The following PCDHGB6 variants were observed in gnomAD, a reference collection of about 807,000 sequenced individuals.
The protein encoded by PCDHGB6 is protocadherin gamma-B6.
A neutral mutation model predicts 59.1 loss-of-function variants in PCDHGB6; 51 were observed. The ratio of observed to expected loss-of-function variants is 0.86; its 90% CI spans 0.69 to 1.09. The LOEUF is 1.09. Among genes scored for constraint, PCDHGB6 ranks in the 50% least tolerant of loss-of-function variants. PCDHGB6 has a pLI of 0.00. For synonymous variants in PCDHGB6, 466 were observed against 495.1 expected (o/e 0.94, Z 0.78); for missense variants, 1,148 against 1,205.1 (o/e 0.95, Z 0.70).
At chr5:141,429,468 A>G (rs2097217267) in intron 1 of PCDHGB6, among the ~76,000 whole-genome samples, 1 of 152,048 alleles carries the variant, frequency 6.6e-6, no homozygotes, top group Admixed American at 6.6e-5. Flanking sequence ...TCCCACCTCA[A>G]TCTCCAGAGT....
At position 141,445,006 on chromosome 5, in the gene PCDHGB6, G is replaced by A. The variant is rs550056654; in HGVS notation, c.2418+34386G>A. Among the ~76,000 whole-genome samples, 51 of 152,044 alleles carry A rather than the reference G, an allele frequency of 3.4e-4. 2 individuals are homozygous for A. The South Asian group carries it at 9.6e-3, about 28-fold the overall frequency. ...CATGGTATATATTTCCATTTAATTA[G>A]GTCTTTAATTTCTCTCAGCTATGTT... On this transcript the variant is annotated intron_variant, in intron 1 of 3. Transcript: ENST00000520790.
At chr5:141,434,193 T>C (rs2097677103) in intron 1 of PCDHGB6, among the ~76,000 whole-genome samples, 1 of 152,246 alleles carries the variant, frequency 6.6e-6, no homozygotes, top group Non-Finnish European at 1.5e-5. Flanking sequence ...GTAATTCCAA[T>C]GTACTTACTT....
At chr5:141,424,036 C>T (rs2096796408) in intron 1 of PCDHGB6, 1 of 1,029,488 alleles carries the variant, frequency 9.7e-7, no homozygotes, top group Non-Finnish European at 1.2e-6. Flanking sequence ...CTTTTTATTT[C>T]CATTTCAATT....
At chr5:141,423,920 G>A (rs2096790804) in intron 1 of PCDHGB6, 2 of 1,258,728 alleles carry the variant, frequency 1.6e-6, no homozygotes, top group African/African-American at 1.6e-5. Flanking sequence ...ATTCAACTAT[G>A]CTGGTTTGGT....
intron 1 of PCDHGB6, among the ~76,000 whole-genome samples, chr5:141,483,945 ATTGTG>A (rs2099589210): frequency 8.3e-6 from 1 of 120,394 alleles, no homozygotes; most frequent in Non-Finnish European, 1.6e-5. Context: ...TACGGTGTGA[ATTGTG>A]TTGTGTTTCT....
rs1368887332 is a variant in PCDHGB6 at position 141,408,806 on chromosome 5, C to A, written c.604C>A (p.Arg202=). ...GTTATCTCTGGAGAAACTCCTAGAC[C>A]GGGAAGAACAGAGATCTCATAGCTT... ...PELSLEKLLD[R]EEQRSHSLIL... Residue 202 remains arginine, a synonymous_variant, in exon 1 of 4, where the codon CGG becomes AGG. Transcript: ENST00000520790. 1.2e-6 allele frequency: 2 copies of A among 1,612,894 alleles called. No individual in the cohort carries two copies. The highest frequency in any genetic ancestry group is 1.3e-5 in the African/African-American group (1 of 74,832).
chr5:141,478,381 C>A (rs931860600), intron 1 of PCDHGB6: 1 of 1,613,664 alleles, frequency 6.2e-7, no homozygotes, highest in Admixed American at 1.7e-5. Flanking sequence ...TGTCGCCGCA[C>A]CTTTACCATC....
At chr5:141,503,802 G>A (rs2099831646) in intron 2 of PCDHGB6, among the ~76,000 whole-genome samples, 1 of 151,998 alleles carries the variant, frequency 6.6e-6, no homozygotes, top group South Asian at 2.1e-4. Context: ...CTTAGGGACG[G>A]GGAATCCCAG....
Position 141,408,770 on chromosome 5 carries a change from A to G in PCDHGB6, c.568A>G (p.Lys190Glu). Residue 190 changes from lysine (K) to glutamate (E), a missense_variant, in exon 1 of 4, where the codon AAA (lysine) becomes GAA (glutamate). This residue lies in a region of PCDHGB6 where 307 missense variants were observed against 323.8 expected (regional missense o/e 0.95). Transcript: ENST00000520790. ...GGTTAGAGTTAATTCCGATGGTGGC[A>G]AATACCCAGAGTTATCTCTGGAGAA... ...LMVRVNSDGG[K>E]YPELSLEKLL... 6.2e-7 allele frequency: 1 copy of G among 1,611,540 alleles called. No homozygotes were observed.
At position 141,487,635 on chromosome 5, in the gene PCDHGB6, A is replaced by C. The variant is rs1594699829; in HGVS notation, c.2419-7172A>C. 1.2e-6 allele frequency: 2 copies of C among 1,614,204 alleles called. No individual in the cohort carries two copies. Among genetic ancestry groups the C allele is most frequent in the Non-Finnish European group, 1.7e-6 (2 of 1,180,034 alleles). On this transcript the variant is annotated intron_variant, in intron 1 of 3. Transcript: ENST00000520790. The surrounding 1 kb of genome is among the most constrained non-coding windows in gnomAD (Gnocchi z 5.0). Reference sequence around the variant, plus strand: ...CTAGAGGTGAGACCTTTGCAGGCTCAACAAATGCTTGAGGGTTATTCTGAT... The same window carrying C: ...CTAGAGGTGAGACCTTTGCAGGCTCCACAAATGCTTGAGGGTTATTCTGAT...
intron 1 of PCDHGB6, among the ~76,000 whole-genome samples, chr5:141,438,587 CATACATATAT>C (rs1422309749): frequency 6.8e-5 from 5 of 73,430 alleles, no homozygotes; most frequent in South Asian, 5.1e-4. Context: ...TACATACATA[CATACATATAT>C]ATATATATAT....
In PCDHGB6 at chr5:141,510,950, C is replaced by T. The variant is rs770587030; in HGVS notation, c.2570C>T (p.Ala857Val). 1.2e-6 allele frequency: 2 copies of T among 1,614,126 alleles called. No homozygotes were observed. The highest frequency in any genetic ancestry group is 2.2e-5 in the South Asian group (2 of 91,078). ...QAMILASASE[A>V]ADGSSTLGGG... Reference sequence around the variant, plus strand: ...TGATCTTCCTCTGTCTCTGCAGAAGCTGCTGATGGGAGCTCCACCCTGGGA... The same window carrying T: ...TGATCTTCCTCTGTCTCTGCAGAAGTTGCTGATGGGAGCTCCACCCTGGGA... The change falls in exon 4 of 4, where the codon GCT (alanine) becomes GTT (valine). Residue 857 changes from alanine (A) to valine (V), a missense_variant. Physicochemically the swap from Ala to Val is moderately conservative, Grantham distance 64. This residue lies in a region of PCDHGB6 where 283 missense variants were observed against 318.6 expected (regional missense o/e 0.89). Transcript: ENST00000520790.
chr5:141,489,096 ACT>A lies in PCDHGB6; in HGVS notation c.2419-5710_2419-5709del. The A allele has an allele frequency of 2.0e-6, 1 of 494,278 alleles. No individual in the cohort carries two copies. The allele number at this position is 494,278 out of a possible 1,614,324, so 30.6% of individuals were successfully genotyped here. A position where few individuals can be genotyped will look rare whatever the true frequency, so the allele number is the denominator to read the frequency against. ...CACCCCCGCCACTCGGTGACTAAGA[ACT>A]GCTGCAAGCAGGCAAACCTCCGAGC... On this transcript the variant is annotated intron_variant, in intron 1 of 3. Coordinates refer to ENST00000520790, the MANE Select transcript of PCDHGB6 (RefSeq NM_018926.3). The surrounding 1 kb of genome is among the most constrained non-coding windows in gnomAD (Gnocchi z 4.5).
chr5:141,427,840 A>G (rs779622800), intron 1 of PCDHGB6: 1 of 1,548,180 alleles, frequency 6.5e-7, no homozygotes, highest in Non-Finnish European at 8.8e-7. Flanking sequence ...CGTGCCTTCG[A>G]CCACGAGCAG....
chr5:141,478,497 CGGTGTTCTATAGGCA>C, intron 1 of PCDHGB6: 1 of 1,612,820 alleles, frequency 6.2e-7, no homozygotes, highest in South Asian at 1.1e-5. Flanking sequence ...AGCTGTGATC[CGGTGTTCTATAGGCA>C]GGTGTTGGGT....
intron 1 of PCDHGB6, 155 bp downstream of exon 1, chr5:141,410,775 T>A: frequency 1.0e-6 from 1 of 998,978 alleles, no homozygotes. Flanking sequence ...TAGTTTTCAC[T>A]ATGTATTTGG....
intron 1 of PCDHGB6, chr5:141,415,094 A>T: frequency 1.9e-6 from 3 of 1,613,530 alleles, no homozygotes; most frequent in Non-Finnish European, 2.5e-6. Flanking sequence ...CTGGACAGAG[A>T]CGCGCTCAAG....
At chr5:141,414,161 GA>G (rs1351073953) in intron 1 of PCDHGB6, 1 of 1,603,276 alleles carries the variant, frequency 6.2e-7, no homozygotes, top group Admixed American at 1.7e-5. Context: ...GAAGATGGAG[GA>G]GCATATCTTG....
Position 141,491,687 on chromosome 5 carries a change from G to A in PCDHGB6, c.2419-3120G>A. On this transcript the variant is annotated intron_variant, in intron 1 of 3. Transcript: ENST00000520790. This position sits in a 1 kb window ranked among gnomAD's most constrained non-coding sequence, Gnocchi z 6.9. Reference sequence around the variant, plus strand: ...ATCCGGTCCCGCTCTAATACGCTGCGGGAGCGGAGCCAGGTGAGGGGCTCG... The same window carrying A: ...ATCCGGTCCCGCTCTAATACGCTGCAGGAGCGGAGCCAGGTGAGGGGCTCG... The A allele has an allele frequency of 6.2e-7, 1 of 1,613,072 alleles. No homozygotes were observed. The highest frequency in any genetic ancestry group is 8.5e-7 in the Non-Finnish European group (1 of 1,179,608).
Sources: allele counts gnomAD v4.1 joint callset (sites outside exome capture counted in the v4.1 genomes callset), GRCh38; gene constraint gnomAD v4.1.1; regional missense constraint gnomAD v4.1.1; non-coding constraint Gnocchi (gnomAD v3.1); transcripts MANE v1.5; gene names NCBI Gene and HGNC (gene_info 2026-07-23, HGNC 2026-07-21).